Variants in NDUFAF2 observed in about 807,000 individuals in gnomAD.
NDUFAF2 encodes the protein NADH dehydrogenase [ubiquinone] 1 alpha subcomplex assembly factor 2.
A neutral mutation model predicts 22.8 loss-of-function variants in NDUFAF2; 13 were observed. That is an observed-to-expected ratio of 0.57 (90% CI 0.37 to 0.91). NDUFAF2 has a LOEUF of 0.91. Ranked by LOEUF, NDUFAF2 falls within the 40% of genes least tolerant of loss-of-function variation. The pLI is 0.01. For synonymous variants in NDUFAF2, 53 were observed against 64.2 expected (o/e 0.83, Z 0.84); for missense variants, 162 against 195.2 (o/e 0.83, Z 1.01).
intron 1 of NDUFAF2, among the ~76,000 whole-genome samples, chr5:61,019,724 T>A (rs906734104): frequency 1.3e-5 from 2 of 152,134 alleles, no homozygotes; most frequent in African/African-American, 4.8e-5. Flanking sequence ...ACCTGGTTTT[T>A]AAAAAATGAA....
At chr5:61,100,143 A>G (rs969641047) in intron 3 of NDUFAF2, among the ~76,000 whole-genome samples, 3 of 152,146 alleles carry the variant, frequency 2.0e-5, no homozygotes, top group Non-Finnish European at 4.4e-5. Flanking sequence ...AATAAAAGGC[A>G]ATATGATCCA....
chr5:61,089,819 C>T (rs1017974644), intron 2 of NDUFAF2, among the ~76,000 whole-genome samples: 7 of 151,958 alleles, frequency 4.6e-5, no homozygotes, highest in African/African-American at 1.4e-4. Context: ...TAAACTTATG[C>T]AAAACCAGTA....
chr5:60,985,959 C>G (rs960694275), intron 1 of NDUFAF2, among the ~76,000 whole-genome samples: 4 of 152,158 alleles, frequency 2.6e-5, no homozygotes, highest in Non-Finnish European at 5.9e-5. Flanking sequence ...ATATCTCATT[C>G]CAGCTAAATG....
At chr5:60,987,710 A>G (rs935975589) in intron 1 of NDUFAF2, among the ~76,000 whole-genome samples, 6 of 152,226 alleles carry the variant, frequency 3.9e-5, no homozygotes, top group African/African-American at 1.4e-4. Context: ...GATGCAGAAA[A>G]AGCTTTTGAT....
intron 3 of NDUFAF2, among the ~76,000 whole-genome samples, chr5:61,128,196 C>T (rs1753062219): frequency 6.6e-6 from 1 of 152,036 alleles, no homozygotes; most frequent in African/African-American, 2.4e-5. Flanking sequence ...TAGGAAGAAT[C>T]AATATCATGA....
chr5:60,957,699 AC>A (rs1197986720), intron 1 of NDUFAF2, among the ~76,000 whole-genome samples: 1 of 152,088 alleles, frequency 6.6e-6, no homozygotes, highest in Non-Finnish European at 1.5e-5. Context: ...TGGTAGAATT[AC>A]TTTGGTAGAA....
rs879221281 is a variant in NDUFAF2, at chr5:61,073,277, A to G, written c.217+63A>G. On this transcript the variant is annotated intron_variant, in intron 2 of 3. Coordinates refer to ENST00000296597, the MANE Select transcript of NDUFAF2 (RefSeq NM_174889.5). Reference sequence around the variant, plus strand: ...AGTTATATAACAGTATACAAATTCAATAAGAGCATATATAGTTATATACTG... The same window carrying G: ...AGTTATATAACAGTATACAAATTCAGTAAGAGCATATATAGTTATATACTG... The G allele has an allele frequency of 8.1e-5, 92 of 1,137,822 alleles. No homozygotes were observed. In the South Asian group the frequency reaches 1.0e-3, roughly 12 times the overall value. 70.5% of individuals were successfully genotyped at this position (1,137,822 alleles called of 1,614,324 possible).
At chr5:61,080,275 A>G (rs1465010190) in intron 2 of NDUFAF2, among the ~76,000 whole-genome samples, 1 of 152,228 alleles carries the variant, frequency 6.6e-6, no homozygotes, top group Non-Finnish European at 1.5e-5. Context: ...CAAATCTGTG[A>G]ACAGAAATTT....
intron 3 of NDUFAF2, among the ~76,000 whole-genome samples, chr5:61,127,056 A>G (rs534959893): frequency 6.6e-6 from 1 of 152,122 alleles, no homozygotes; most frequent in Non-Finnish European, 1.5e-5. Context: ...TAAATGCCTC[A>G]ACACATACAC....
intron 1 of NDUFAF2, among the ~76,000 whole-genome samples, chr5:60,965,782 AGTTAATTCCC>A (rs1750751444): frequency 6.6e-6 from 1 of 152,116 alleles, no homozygotes; most frequent in Admixed American, 6.6e-5. Flanking sequence ...TAGACACTTA[AGTTAATTCCC>A]TATCTTGATT....
At chr5:61,030,283 T>C (rs1316629125) in intron 1 of NDUFAF2, among the ~76,000 whole-genome samples, 1 of 152,158 alleles carries the variant, frequency 6.6e-6, no homozygotes, top group Non-Finnish European at 1.5e-5. Flanking sequence ...CTGACACATA[T>C]GGTTCTGATT....
intron 2 of NDUFAF2, among the ~76,000 whole-genome samples, chr5:61,096,625 C>G (rs1256401057): frequency 5.7e-5 from 8 of 140,614 alleles, no homozygotes; most frequent in African/African-American, 1.8e-4. Flanking sequence ...AAAATCTGTA[C>G]AAGTTTTGGC....
intron 3 of NDUFAF2, among the ~76,000 whole-genome samples, chr5:61,109,341 G>GT (rs376603517): frequency 5.6e-4 from 85 of 152,284 alleles, no homozygotes; most frequent in African/African-American, 2.0e-3. Context: ...AGTTCTAACA[G>GT]TTTTTTGGTG....
intron 2 of NDUFAF2, among the ~76,000 whole-genome samples, chr5:61,079,230 G>A (rs541401780): frequency 6.6e-6 from 1 of 152,194 alleles, no homozygotes; most frequent in East Asian, 1.9e-4. Context: ...TTGCTTTTAA[G>A]TTAATAATTG....
intron 3 of NDUFAF2, among the ~76,000 whole-genome samples, chr5:61,112,948 A>G (rs898015926): frequency 2.6e-5 from 4 of 151,578 alleles, no homozygotes; most frequent in South Asian, 2.1e-4. Context: ...GGAACTTGCA[A>G]ATACTGTCTT....
At chr5:61,016,341 A>G (rs1342313762) in intron 1 of NDUFAF2, among the ~76,000 whole-genome samples, 1 of 152,212 alleles carries the variant, frequency 6.6e-6, no homozygotes, top group East Asian at 1.9e-4. Flanking sequence ...ATGAAAAAGC[A>G]AAAGACTGAA....
intron 1 of NDUFAF2, among the ~76,000 whole-genome samples, chr5:60,951,980 TTTATCTAGTATG>T (rs1561525479): frequency 6.6e-6 from 1 of 151,224 alleles, no homozygotes; most frequent in Non-Finnish European, 1.5e-5. Context: ...GTTTGCCCTT[TTTATCTAGTATG>T]TTGAATTTAC....
intron 1 of NDUFAF2, among the ~76,000 whole-genome samples, chr5:61,072,608 A>T (rs1312057130): frequency 1.3e-5 from 2 of 151,768 alleles, no homozygotes; most frequent in Non-Finnish European, 2.9e-5. Context: ...TTATTTATTT[A>T]TTTTTTGAGA....
chr5:60,967,274 G>C (rs930568490), intron 1 of NDUFAF2, among the ~76,000 whole-genome samples: 5 of 151,778 alleles, frequency 3.3e-5, no homozygotes, highest in Non-Finnish European at 5.9e-5. Flanking sequence ...ATAACATCTT[G>C]TTGTCTGTTA....
Sources: allele counts gnomAD v4.1 joint callset (sites outside exome capture counted in the v4.1 genomes callset), GRCh38; gene constraint gnomAD v4.1.1; transcripts MANE v1.5; gene names NCBI Gene and HGNC (gene_info 2026-07-23, HGNC 2026-07-21).